TAFA1: variants seen among roughly 807,000 people sequenced by gnomAD.
TAFA1 encodes the protein TAFA chemokine like family member 1.
TAFA1 carries 4 observed loss-of-function variants against 18.5 expected under a neutral mutation model. The observed-to-expected ratio is 0.22, with a 90% CI of 0.11 to 0.49. TAFA1 has a LOEUF of 0.49. Among genes scored for constraint, TAFA1 ranks in the 20% least tolerant of loss-of-function variants. The probability of loss-of-function intolerance (pLI) is 0.98; values close to 1 mark genes in which losing one functional copy is unlikely to be tolerated. For synonymous variants in TAFA1, 56 were observed against 55.2 expected (o/e 1.01, Z -0.06); for missense variants, 147 against 169.0 (o/e 0.87, Z 0.72).
intron 3 of TAFA1, among the ~76,000 whole-genome samples, chr3:68,509,622 T>C (rs538578667): frequency 6.6e-6 from 1 of 152,302 alleles, no homozygotes; most frequent in South Asian, 2.1e-4. Context: ...ATCACTGTTA[T>C]AATCACAATT....
chr3:68,050,162 T>G (rs141763657), intron 2 of TAFA1, among the ~76,000 whole-genome samples: 1,551 of 152,256 alleles, frequency 0.01, 103 homozygotes, highest in Admixed American at 0.088. Context: ...TGGAAGGTGA[T>G]GCCAGGAAAC....
At chr3:68,249,344 C>T (rs1470050494) in intron 2 of TAFA1, among the ~76,000 whole-genome samples, 4 of 152,182 alleles carry the variant, frequency 2.6e-5, no homozygotes, top group Non-Finnish European at 5.9e-5. Context: ...CAGGCTTCAA[C>T]TCCACTAGCT....
chr3:68,430,521 T>G (rs2071149872), intron 3 of TAFA1, among the ~76,000 whole-genome samples: 1 of 151,948 alleles, frequency 6.6e-6, no homozygotes, highest in Non-Finnish European at 1.5e-5. Flanking sequence ...AATAAAGGAA[T>G]CTGCAGTGGG....
chr3:68,375,638 T>G (rs2069795558), intron 2 of TAFA1, among the ~76,000 whole-genome samples: 1 of 152,220 alleles, frequency 6.6e-6, no homozygotes, highest in African/African-American at 2.4e-5. Context: ...TTCAATTCAT[T>G]AAAACAGATG....
At chr3:68,403,437 G>A (rs1045846610) in intron 2 of TAFA1, among the ~76,000 whole-genome samples, 2 of 152,210 alleles carry the variant, frequency 1.3e-5, no homozygotes, top group African/African-American at 2.4e-5. Flanking sequence ...TCAGGGACTA[G>A]ATCTTCTGGA....
At chr3:68,172,369 G>A (rs1281252476) in intron 2 of TAFA1, among the ~76,000 whole-genome samples, 1 of 152,056 alleles carries the variant, frequency 6.6e-6, no homozygotes, top group Non-Finnish European at 1.5e-5. Context: ...CCTCCTAAAA[G>A]GCTAAAACAG....
chr3:68,159,471 G>A (rs2065901137), intron 2 of TAFA1, among the ~76,000 whole-genome samples: 1 of 152,132 alleles, frequency 6.6e-6, no homozygotes, highest in African/African-American at 2.4e-5. Context: ...CTGTAATTGA[G>A]TATCCCCATT....
intron 2 of TAFA1, among the ~76,000 whole-genome samples, chr3:68,316,891 C>G (rs2068614204): frequency 1.3e-5 from 2 of 152,086 alleles, no homozygotes; most frequent in Non-Finnish European, 2.9e-5. Flanking sequence ...ATAAATATTT[C>G]TAAAGTGTTT....
At chr3:68,420,747 C>A (rs960530714) in intron 3 of TAFA1, among the ~76,000 whole-genome samples, 2 of 152,086 alleles carry the variant, frequency 1.3e-5, no homozygotes, top group African/African-American at 4.8e-5. Flanking sequence ...GCCCCCGAAT[C>A]CCCACAACGA....
At position 68,009,342 on chromosome 3, in the gene TAFA1, A is replaced by G. The variant is rs577861621; in HGVS notation, c.118+2598A>G. Among the ~76,000 whole-genome samples, 3 of 152,334 alleles carry G rather than the reference A, an allele frequency of 2.0e-5. No individual in the cohort carries two copies. The East Asian group carries it at 5.8e-4, about 29-fold the overall frequency. ...GTAAACTTATGTCTTTATAGGGCTT[A>G]TTGTTAAAATACCGTAGTTTAAAAC... is the stretch of plus-strand genomic sequence containing the variant. On this transcript the variant is annotated intron_variant, in intron 2 of 4. Coordinates refer to ENST00000478136, the MANE Select transcript of TAFA1 (RefSeq NM_213609.4).
chr3:68,097,684 A>C (rs865813087), intron 2 of TAFA1, among the ~76,000 whole-genome samples: 1 of 152,122 alleles, frequency 6.6e-6, no homozygotes, highest in South Asian at 2.1e-4. Flanking sequence ...TATCTTGTTC[A>C]CTGCTATGCC....
chr3:67,991,643 C>A, the TAFA1 span, among the ~76,000 whole-genome samples: 5,569 of 152,310 alleles, frequency 0.037, 171 homozygotes, highest in African/African-American at 0.085. Flanking sequence ...CTGACACAAG[C>A]AACCTGCTGG....
At chr3:67,995,702 AAAG>A in the TAFA1 span, among the ~76,000 whole-genome samples, 1 of 152,168 alleles carries the variant, frequency 6.6e-6, no homozygotes, top group African/African-American at 2.4e-5. Flanking sequence ...GGGGTGGAGA[AAAG>A]AAGAAGTGAT....
intron 2 of TAFA1, among the ~76,000 whole-genome samples, chr3:68,338,488 T>C (rs1028198917): frequency 2.6e-5 from 4 of 152,224 alleles, no homozygotes; most frequent in Admixed American, 2.6e-4. Flanking sequence ...TATCATTTTT[T>C]GAGCTTTTAT....
At chr3:68,212,232 G>GA (rs113273089) in intron 2 of TAFA1, among the ~76,000 whole-genome samples, 2,907 of 143,090 alleles carry the variant, frequency 0.02, 39 homozygotes, top group African/African-American at 0.034. Context: ...TTCAAGACCC[G>GA]AAAAAAAAAA....
chr3:68,412,917 G>C (rs7374836), intron 2 of TAFA1, among the ~76,000 whole-genome samples: 19,218 of 151,498 alleles, frequency 0.13, 1,455 homozygotes, highest in Non-Finnish European at 0.16. Context: ...GGGTCAAATG[G>C]TATTTCTAGT....
chr3:68,222,717 G>A (rs1235631747), intron 2 of TAFA1, among the ~76,000 whole-genome samples: 2 of 151,916 alleles, frequency 1.3e-5, no homozygotes, highest in African/African-American at 4.8e-5. Context: ...TTGAGATGGA[G>A]TCTCACTCTG....
intron 3 of TAFA1, among the ~76,000 whole-genome samples, chr3:68,512,486 T>A (rs888916627): frequency 9.2e-5 from 14 of 152,146 alleles, no homozygotes; most frequent in Non-Finnish European, 1.9e-4. Context: ...CTGATTGAAG[T>A]TCATGCAATG....
At chr3:68,417,258 C>T (rs1334674482) in intron 2 of TAFA1, 22 bp from the exon 3 acceptor site, 31 of 1,610,678 alleles carry the variant, frequency 1.9e-5, no homozygotes, top group Non-Finnish European at 2.5e-5. Context: ...AATCAGTGTC[C>T]CTGTTCTTTC....
Sources: gnomAD v4.1 joint callset for allele counts (sites outside exome capture counted in the v4.1 genomes callset) on GRCh38, gnomAD v4.1.1 for gene constraint, MANE v1.5 for transcripts, NCBI Gene and HGNC (gene_info 2026-07-23, HGNC 2026-07-21) for gene names.